The following SHANK2 variants were observed in gnomAD, a reference collection of about 807,000 sequenced individuals.
The protein encoded by SHANK2 is SH3 and multiple ankyrin repeat domains 2, also known as SH3 and multiple ankyrin repeat domains protein 2.
SHANK2 carries 43 observed loss-of-function variants against 133.7 expected under a neutral mutation model. The ratio of observed to expected loss-of-function variants is 0.32; its 90% CI spans 0.25 to 0.41. SHANK2 has a LOEUF of 0.41. Ranked by LOEUF, SHANK2 falls within the 10% of genes least tolerant of loss-of-function variation. The pLI is 1.00. For missense variants in SHANK2, 1,994 were observed against 2,235.8 expected (o/e 0.89, Z 2.18); for synonymous variants, 1,017 against 952.8 (o/e 1.07, Z -1.24).
intron 17 of SHANK2, among the ~76,000 whole-genome samples, chr11:70,589,558 A>G (rs1423320236): frequency 6.8e-6 from 1 of 147,310 alleles, no homozygotes; most frequent in African/African-American, 2.5e-5. Context: ...CTTACAGTCT[A>G]TGGATCAAGG....
intron 10 of SHANK2, among the ~76,000 whole-genome samples, chr11:70,931,978 G>A (rs1026797791): frequency 6.6e-6 from 1 of 152,208 alleles, no homozygotes; most frequent in African/African-American, 2.4e-5. Context: ...CACTGAAAGA[G>A]CCTCTACGTG....
intron 3 of SHANK2, among the ~76,000 whole-genome samples, chr11:71,127,826 T>G (rs1952219526): frequency 6.6e-6 from 1 of 152,242 alleles, no homozygotes; most frequent in African/African-American, 2.4e-5. Context: ...ATGCCTGTTA[T>G]GTAAGTCATT....
chr11:70,619,912 C>T (rs60654869), intron 17 of SHANK2, among the ~76,000 whole-genome samples: 35,528 of 152,128 alleles, frequency 0.23, 5,081 homozygotes, highest in East Asian at 0.37. Flanking sequence ...TGGGGCTCAG[C>T]TCTGCTAACT....
chr11:70,583,992 C>T (rs2060216602), intron 17 of SHANK2, among the ~76,000 whole-genome samples: 1 of 152,180 alleles, frequency 6.6e-6, no homozygotes, highest in Admixed American at 6.5e-5. Flanking sequence ...CTGGGCATGG[C>T]CTGACCACCG....
chr11:70,782,807 A>G (rs10793306), intron 14 of SHANK2, among the ~76,000 whole-genome samples: 112,610 of 152,138 alleles, frequency 0.74, 43,873 homozygotes, highest in East Asian at 0.98. Flanking sequence ...GGGAACCGCA[A>G]ATGGCAATCA....
At chr11:70,505,335 G>A (rs2059120569) in intron 17 of SHANK2, among the ~76,000 whole-genome samples, 1 of 152,164 alleles carries the variant, frequency 6.6e-6, no homozygotes, top group South Asian at 2.1e-4. Flanking sequence ...GTGAGTATGA[G>A]GTGCCAAACA....
chr11:70,936,364 T>TA (rs2135823008), intron 10 of SHANK2, among the ~76,000 whole-genome samples: 1 of 151,940 alleles, frequency 6.6e-6, no homozygotes, highest in East Asian at 2.0e-4. Context: ...ATATAAAAAT[T>TA]AGCCAGGCAT....
chr11:70,560,483 GTTTTTTTTTTTTTTT>G (rs61143133), intron 17 of SHANK2, among the ~76,000 whole-genome samples: 1 of 96,006 alleles, frequency 1.0e-5, no homozygotes, highest in Non-Finnish European at 2.0e-5. Flanking sequence ...CCCCAGTAGG[GTTTTTTTTTTTTTTT>G]TTTTTTTTTT....
intron 1 of SHANK2, among the ~76,000 whole-genome samples, chr11:71,225,972 A>C (rs1954634955): frequency 6.6e-6 from 1 of 152,098 alleles, no homozygotes; most frequent in Non-Finnish European, 1.5e-5. Flanking sequence ...AAAATACAAA[A>C]CTTAGCCGGG....
In SHANK2 at chr11:71,251,095, CCCCCCCACCACCCA is replaced by C. The variant is rs1435986557; in HGVS notation, c.-113+1316_-113+1329del. On this transcript the variant is annotated intron_variant, in intron 1 of 25. Transcript: ENST00000601538. ...GAGAGCCTTACGTACTTTCGCCTGA[CCCCCCCACCACCCA>C]CCCCTCACCTGCCTGGCTCGAGCGC... Among the ~76,000 whole-genome samples, 2 of 151,928 alleles carry C rather than the reference CCCCCCCACCACCCA, an allele frequency of 1.3e-5. 1 individual carries two copies.
At chr11:71,077,084 C>G (rs1057347232) in intron 8 of SHANK2, among the ~76,000 whole-genome samples, 4 of 152,150 alleles carry the variant, frequency 2.6e-5, no homozygotes, top group African/African-American at 9.7e-5. Flanking sequence ...TAAGCTGCAA[C>G]TGACCCTGGA....
chr11:70,890,918 C>T (rs1279318919), intron 11 of SHANK2, among the ~76,000 whole-genome samples: 5 of 151,154 alleles, frequency 3.3e-5, no homozygotes, highest in Non-Finnish European at 5.9e-5. Flanking sequence ...GAGCCAAGAT[C>T]GTGCCACTGC....
At chr11:70,543,199 C>A (rs557384158) in intron 17 of SHANK2, among the ~76,000 whole-genome samples, 1 of 152,180 alleles carries the variant, frequency 6.6e-6, no homozygotes, top group Non-Finnish European at 1.5e-5. Flanking sequence ...ACACAGTCTG[C>A]GTTGTGAAAT....
At chr11:70,762,549 G>A (rs868917911) in intron 14 of SHANK2, among the ~76,000 whole-genome samples, 1 of 152,126 alleles carries the variant, frequency 6.6e-6, no homozygotes, top group Non-Finnish European at 1.5e-5. Context: ...ACCACCCCAG[G>A]GTGCTGCCCC....
intron 1 of SHANK2, among the ~76,000 whole-genome samples, chr11:71,234,114 G>A (rs942468530): frequency 1.3e-4 from 19 of 144,960 alleles, no homozygotes; most frequent in East Asian, 1.0e-3. Flanking sequence ...TTCAGAGGCC[G>A]AGGTAGGCGG....
At chr11:70,558,500 G>C (rs780819485) in intron 17 of SHANK2, among the ~76,000 whole-genome samples, 8 of 152,218 alleles carry the variant, frequency 5.3e-5, no homozygotes, top group Non-Finnish European at 1.2e-4. Flanking sequence ...TCCAAGCCTG[G>C]ATCTGCCAGC....
intron 17 of SHANK2, among the ~76,000 whole-genome samples, chr11:70,579,322 G>C (rs568674951): frequency 3.3e-5 from 5 of 152,338 alleles, no homozygotes; most frequent in African/African-American, 1.2e-4. Flanking sequence ...ATAGGAGCAT[G>C]AAGTGTCCCT....
At chr11:70,616,793 G>A (rs1554996082) in intron 17 of SHANK2, among the ~76,000 whole-genome samples, 1 of 152,202 alleles carries the variant, frequency 6.6e-6, no homozygotes, top group Non-Finnish European at 1.5e-5. Flanking sequence ...CTCCTGCCAG[G>A]CTGGCTCCTG....
At chr11:70,617,096 AGT>A (rs1378832249) in intron 17 of SHANK2, among the ~76,000 whole-genome samples, 1 of 150,706 alleles carries the variant, frequency 6.6e-6, no homozygotes, top group Non-Finnish European at 1.5e-5. Flanking sequence ...TGTCTATGAG[AGT>A]GTGTATGTGT....
Sources: allele counts gnomAD v4.1 joint callset (sites outside exome capture counted in the v4.1 genomes callset), GRCh38; gene constraint gnomAD v4.1.1; transcripts MANE v1.5; gene names NCBI Gene and HGNC (gene_info 2026-07-23, HGNC 2026-07-21).